The following NSDHL variants were observed in gnomAD, a reference collection of about 807,000 sequenced individuals.
NSDHL encodes sterol-4-alpha-carboxylate 3-dehydrogenase, decarboxylating.
NSDHL carries 1 observed loss-of-function variant against 23.0 expected under a neutral mutation model. That is an observed-to-expected ratio of 0.04 (90% CI 0.02 to 0.21). The LOEUF (loss-of-function observed/expected upper bound fraction) is 0.21. Ranked by LOEUF, NSDHL falls within the 10% of genes least tolerant of loss-of-function variation. The pLI is 1.00. For missense variants in NSDHL, 237 were observed against 300.9 expected, an observed-to-expected ratio of 0.79 and a Z score of 1.57; for synonymous variants, 128 against 121.1, an observed-to-expected ratio of 1.06 and a Z score of -0.37.
intron 1 of NSDHL, among the ~76,000 whole-genome samples, chrX:152,843,927 G>A (rs1054841344): frequency 8.1e-5 from 9 of 111,763 alleles, no homozygotes; most frequent in Non-Finnish European, 1.3e-4. Flanking sequence ...TAGTTGTTGC[G>A]ACAACCCCAG....
At chrX:152,868,713 C>T in intron 7 of NSDHL, 71 bp from the exon 8 acceptor site, 1 of 931,935 alleles carries the variant, frequency 1.1e-6, no homozygotes, top group Non-Finnish European at 1.5e-6. Context: ...TCTGCACGGG[C>T]TTAATAGATG....
At chrX:152,847,908 G>T (rs965529399) in intron 2 of NSDHL, among the ~76,000 whole-genome samples, 1 of 108,203 alleles carries the variant, frequency 9.2e-6, no homozygotes, top group Non-Finnish European at 1.9e-5. Flanking sequence ...TGTCGCCCAG[G>T]CTGGAGTGCA....
chrX:152,861,026 A>G (rs782562487), intron 4 of NSDHL, among the ~76,000 whole-genome samples: 1 of 112,503 alleles, frequency 8.9e-6, no homozygotes, highest in East Asian at 2.8e-4. Context: ...TGGCATATGT[A>G]ACTCTGGTTT....
At position 152,867,653 on chromosome X, in the gene NSDHL, G is replaced by T; in HGVS notation, c.769G>T (p.Asp257Tyr). 8.3e-7 allele frequency: 1 copy of T among 1,202,257 alleles called. No homozygotes were observed. The highest frequency in any genetic ancestry group is 1.1e-6 in the Non-Finnish European group (1 of 886,808). Reference protein sequence around the residue: ...HILAAEQLSRDSTLGGKAFHI... With the variant: ...HILAAEQLSRYSTLGGKAFHI... ...CCTGGCGGCAGAGCAGCTCTCCCGA[G>T]ACTCGACACTGGGTGGGAAGGTAAG... The change falls in exon 7 of 8, where the codon GAC becomes TAC. Residue 257 changes from aspartate (D) to tyrosine (Y), a missense_variant. Transcript: ENST00000370274.
intron 3 of NSDHL, among the ~76,000 whole-genome samples, chrX:152,854,830 G>A (rs1933415140): frequency 1.8e-5 from 2 of 108,614 alleles, no homozygotes; most frequent in South Asian, 4.1e-4. Context: ...GACTAACCTG[G>A]ACTACATAAC....
In NSDHL at chrX:152,869,020, A is replaced by T. The variant is rs1556848528; in HGVS notation, c.1026A>T (p.Arg342Ser). The change falls in exon 8 of 8, where the codon AGA (arginine) becomes AGT (serine). Residue 342 changes from arginine to serine, a missense_variant. Transcript: ENST00000370274. ...CATTCCACTACTACAGCTGCGAGAG[A>T]GCCAAAAAGGCCATGGGCTACCAGC... ...AGTFHYYSCERAKKAMGYQPL... is the reference protein window; with the variant it reads ...AGTFHYYSCESAKKAMGYQPL... 2.5e-6 allele frequency: 3 copies of T among 1,211,758 alleles called. No individual in the cohort carries two copies. Among genetic ancestry groups the T allele is most frequent in the South Asian group, 3.5e-5 (2 of 57,004 alleles).
At chrX:152,845,924 C>T (rs1437015154) in intron 1 of NSDHL, among the ~76,000 whole-genome samples, 2 of 112,645 alleles carry the variant, frequency 1.8e-5, no homozygotes, top group African/African-American at 6.5e-5. Flanking sequence ...CTAATGAGCA[C>T]CACAGGGGAA....
intron 1 of NSDHL, among the ~76,000 whole-genome samples, chrX:152,834,209 G>A (rs1933057714): frequency 8.9e-6 from 1 of 112,370 alleles, no homozygotes; most frequent in Non-Finnish European, 1.9e-5. Context: ...GTTTCACAGA[G>A]GGGGCAGTTC....
intron 3 of NSDHL, among the ~76,000 whole-genome samples, chrX:152,856,108 C>T (rs782458743): frequency 8.1e-5 from 9 of 111,503 alleles, no homozygotes; most frequent in African/African-American, 2.3e-4. Context: ...TGGGTTTTGC[C>T]GATTACATCC....
chrX:152,863,289 A>G (rs975120624), intron 5 of NSDHL, among the ~76,000 whole-genome samples: 2 of 112,204 alleles, frequency 1.8e-5, no homozygotes, highest in Admixed American at 1.9e-4. Flanking sequence ...ATTATAGATG[A>G]AGACTGTGGT....
chrX:152,834,320 G>A (rs999592599), intron 1 of NSDHL, among the ~76,000 whole-genome samples: 1 of 112,895 alleles, frequency 8.9e-6, no homozygotes, highest in African/African-American at 3.2e-5. Flanking sequence ...GCATGCTGCT[G>A]GGTTTCTGAG....
intron 2 of NSDHL, among the ~76,000 whole-genome samples, chrX:152,848,742 G>A (rs1933312224): frequency 8.9e-6 from 1 of 112,122 alleles, no homozygotes; most frequent in South Asian, 3.7e-4. Flanking sequence ...CAGAAATCCA[G>A]GTTGGGAAAC....
intron 7 of NSDHL, among the ~76,000 whole-genome samples, chrX:152,868,084 T>C (rs1482741038): frequency 1.8e-5 from 2 of 110,506 alleles, no homozygotes; most frequent in Non-Finnish European, 3.8e-5. Flanking sequence ...ACCTCTGCCG[T>C]TTCCCCACTG....
At chrX:152,845,737 G>A (rs1556845451) in intron 1 of NSDHL, among the ~76,000 whole-genome samples, 1 of 111,634 alleles carries the variant, frequency 9.0e-6, no homozygotes, top group Non-Finnish European at 1.9e-5. Flanking sequence ...GTCTCCTATT[G>A]CACTCCACTC....
At chrX:152,857,522 A>G (rs1933460688) in intron 3 of NSDHL, among the ~76,000 whole-genome samples, 1 of 111,706 alleles carries the variant, frequency 9.0e-6, no homozygotes, top group Non-Finnish European at 1.9e-5. Context: ...AATAACCCAA[A>G]CCCTTGAAAA....
At chrX:152,855,504 G>T (rs1309324535) in intron 3 of NSDHL, among the ~76,000 whole-genome samples, 1 of 111,883 alleles carries the variant, frequency 8.9e-6, no homozygotes, top group Non-Finnish European at 1.9e-5. Context: ...CTTAACACCT[G>T]GTAGGCCTGT....
chrX:152,852,795 C>T lies in NSDHL; in HGVS notation c.267+2372C>T, dbSNP rs1435194949. 4.5e-5 allele frequency among the ~76,000 whole-genome samples: 5 copies of T among 110,800 alleles called. No homozygotes were observed. The Admixed American group carries it at 4.8e-4, about 11-fold the overall frequency. Reference sequence around the variant, plus strand: ...CCTGGTGCCAGCTGGAAGCCACCTCCTCTTCCCTACCCAGTCACTGCCACC... The same window carrying T: ...CCTGGTGCCAGCTGGAAGCCACCTCTTCTTCCCTACCCAGTCACTGCCACC... On this transcript the variant is annotated intron_variant, in intron 3 of 7. Coordinates refer to ENST00000370274, the MANE Select transcript of NSDHL (RefSeq NM_015922.3).
intron 2 of NSDHL, among the ~76,000 whole-genome samples, chrX:152,847,571 C>A (rs1933293271): frequency 8.9e-6 from 1 of 111,966 alleles, no homozygotes; most frequent in Non-Finnish European, 1.9e-5. Context: ...ATGGTTATAG[C>A]AAACTGCCAT....
intron 5 of NSDHL, 91 bp from the exon 6 acceptor site, chrX:152,865,728 C>T (rs188140306): frequency 5.6e-6 from 6 of 1,080,604 alleles, no homozygotes; most frequent in Non-Finnish European, 7.7e-6. Flanking sequence ...GTCTGTCCCC[C>T]ACGAGTGGTG....
Sources: gnomAD v4.1 joint callset for allele counts (sites outside exome capture counted in the v4.1 genomes callset) on GRCh38, gnomAD v4.1.1 for gene constraint, MANE v1.5 for transcripts, NCBI Gene and HGNC (gene_info 2026-07-23, HGNC 2026-07-21) for gene names.